Variants in CASZ1 observed in about 807,000 individuals in gnomAD.
CASZ1 encodes the protein castor zinc finger 1.
CASZ1 carries 28 observed loss-of-function variants against 135.2 expected under a neutral mutation model. That is an observed-to-expected ratio of 0.21 (90% CI 0.15 to 0.28). The LOEUF is 0.28. Ranked by LOEUF, CASZ1 falls within the 10% of genes least tolerant of loss-of-function variation. CASZ1 has a pLI of 1.00. For synonymous variants in CASZ1, 1,068 were observed against 1,073.4 expected, an observed-to-expected ratio of 0.99 and a Z score of 0.10; for missense variants, 2,161 against 2,453.3, an observed-to-expected ratio of 0.88 and a Z score of 2.52.
At chr1:10,650,667 G>A in intron 13 of CASZ1, 25 bp downstream of exon 13, 1 of 1,597,176 alleles carries the variant, frequency 6.3e-7, no homozygotes, top group Middle Eastern at 1.7e-4. Flanking sequence ...GGGGGAACGG[G>A]AGGCGTGTGA....
chr1:10,674,550 C>G (rs765896327), intron 4 of CASZ1, among the ~76,000 whole-genome samples: 2 of 152,262 alleles, frequency 1.3e-5, no homozygotes, highest in Non-Finnish European at 2.9e-5. Flanking sequence ...AGCGTCTTCC[C>G]TGCCCTGGGC....
chr1:10,640,748 T>C (rs284249), intron 20 of CASZ1, among the ~76,000 whole-genome samples: 12,441 of 152,002 alleles, frequency 0.082, 1,086 homozygotes, highest in African/African-American at 0.21. Context: ...CTGCTCAGAG[T>C]CGTAATTTAC....
chr1:10,768,437 C>G (rs1294567437), intron 1 of CASZ1, among the ~76,000 whole-genome samples: 1 of 152,202 alleles, frequency 6.6e-6, no homozygotes, highest in Non-Finnish European at 1.5e-5. Flanking sequence ...AGGCTGGTCT[C>G]AAACTCCTGA....
chr1:10,656,215 C>A (rs1256105980), intron 8 of CASZ1, among the ~76,000 whole-genome samples: 1 of 152,248 alleles, frequency 6.6e-6, no homozygotes, highest in Admixed American at 6.5e-5. Context: ...GACTCTCCCC[C>A]CACTCACCAG....
chr1:10,639,035 C>A lies in CASZ1; in HGVS notation c.5187G>T (p.Glu1729Asp). The A allele has an allele frequency of 9.6e-7, 1 of 1,041,922 alleles. No homozygotes were observed. 64.5% of individuals were successfully genotyped at this position (1,041,922 alleles called of 1,614,324 possible). Reference sequence around the variant, plus strand: ...GGGTCCGCGCGCCCGCGCCCGCCGCCTCCGCCGCCGCCTCGGGCAGCGACT... The same window carrying A: ...GGGTCCGCGCGCCCGCGCCCGCCGCATCCGCCGCCGCCTCGGGCAGCGACT... ...SEESLPEAAA[E>D]AAGAGARTPA... Residue 1729 changes from glutamate (E) to aspartate (D), a missense_variant, in exon 21 of 21, where the codon GAG becomes GAT. Glu to Asp is a conservative substitution (Grantham distance 45, BLOSUM62 2). Coordinates refer to ENST00000377022, the MANE Select transcript of CASZ1 (RefSeq NM_001079843.3). This position sits in a 1 kb window ranked among gnomAD's most constrained non-coding sequence, Gnocchi z 4.0.
In CASZ1 at chr1:10,774,531, C is replaced by G. The variant is rs762940266; in HGVS notation, c.-233-13674G>C. On this transcript the variant is annotated intron_variant, in intron 1 of 20. Coordinates refer to ENST00000377022, the MANE Select transcript of CASZ1 (RefSeq NM_001079843.3). The surrounding 1 kb of genome is among the most constrained non-coding windows in gnomAD (Gnocchi z 4.4). ...TGCCTTCTGCACATTCTTTAAGCCCCGTGATCCCAAGAAATCCCATCCATA... is the reference window on the plus strand; with the variant it reads ...TGCCTTCTGCACATTCTTTAAGCCCGGTGATCCCAAGAAATCCCATCCATA... Among the ~76,000 whole-genome samples the G allele has an allele frequency of 4.2e-5, 6 of 144,118 alleles. No individual in the cohort carries two copies. Among genetic ancestry groups the G allele is most frequent in the Non-Finnish European group, 7.7e-5 (5 of 65,152 alleles). 94.5% of individuals were successfully genotyped at this position (144,118 alleles called of 152,430 possible).
chr1:10,645,004 A>T lies in CASZ1; in HGVS notation c.3781T>A (p.Trp1261Arg), dbSNP rs763409069. ...FVTNITTKLP[W>R]HIKKHEKAER... ...GCCTTCTCATGCTTCTTGATGTGCCAGGGGAGCTTGGTGGTGATGTTGGTC... is the reference window on the plus strand; with the variant it reads ...GCCTTCTCATGCTTCTTGATGTGCCTGGGGAGCTTGGTGGTGATGTTGGTC... Residue 1261 changes from tryptophan to arginine, a missense_variant, in exon 18 of 21, where the codon TGG becomes AGG. By Grantham distance (101) the Trp-to-Arg change is moderately radical (BLOSUM62 -3). Around this residue, in one of 7 missense-constraint regions of CASZ1, gnomAD observed 349 missense variants for 460.8 expected, o/e 0.76. Transcript: ENST00000377022. 1 of 1,613,926 alleles carries T rather than the reference A, an allele frequency of 6.2e-7. No homozygotes were observed. Among genetic ancestry groups the T allele is most frequent in the Non-Finnish European group, 8.5e-7 (1 of 1,180,010 alleles).
rs1179142375 is a variant in CASZ1 at position 10,739,527 on chromosome 1, G to C, written c.-77+21174C>G. ...CACTCAGGCTTCCAGACCTTTCCCT[G>C]AGCCCTCCGCCCCCCGGGCCCACTC... On this transcript the variant is annotated intron_variant, in intron 2 of 20. Coordinates refer to ENST00000377022, the MANE Select transcript of CASZ1 (RefSeq NM_001079843.3). The surrounding 1 kb of genome is among the most constrained non-coding windows in gnomAD (Gnocchi z 4.8). Among the ~76,000 whole-genome samples the C allele has an allele frequency of 6.6e-6, 1 of 152,078 alleles. No individual in the cohort carries two copies. The highest frequency in any genetic ancestry group is 1.5e-5 in the Non-Finnish European group (1 of 67,992).
chr1:10,739,708 C>T lies in CASZ1; in HGVS notation c.-77+20993G>A, dbSNP rs1053127687. On this transcript the variant is annotated intron_variant, in intron 2 of 20. Transcript: ENST00000377022. This position sits in a 1 kb window ranked among gnomAD's most constrained non-coding sequence, Gnocchi z 4.8. ...GCCAGGGTGGCTCTGTGTCAAAGGCCCTGCAGCTCCTCCCTCCTGTTTCTC... is the reference window on the plus strand; with the variant it reads ...GCCAGGGTGGCTCTGTGTCAAAGGCTCTGCAGCTCCTCCCTCCTGTTTCTC... Among the ~76,000 whole-genome samples the T allele has an allele frequency of 1.3e-5, 2 of 152,130 alleles. No individual in the cohort carries two copies. Among genetic ancestry groups the T allele is most frequent in the Non-Finnish European group, 2.9e-5 (2 of 68,018 alleles).
In CASZ1 at chr1:10,794,991, G is replaced by C. The variant is rs895690795; in HGVS notation, c.-234+1573C>G. Among the ~76,000 whole-genome samples, 5 of 151,658 alleles carry C rather than the reference G, an allele frequency of 3.3e-5. No individual in the cohort carries two copies. Among genetic ancestry groups the C allele is most frequent in the African/African-American group, 7.3e-5 (3 of 41,308 alleles). On this transcript the variant is annotated intron_variant, in intron 1 of 20. Coordinates refer to ENST00000377022, the MANE Select transcript of CASZ1 (RefSeq NM_001079843.3). The surrounding 1 kb of genome is among the most constrained non-coding windows in gnomAD (Gnocchi z 5.6). ...CCTCCCCTTCCAGACCCGGCTGCCCGGCCCGCCAGCTCCCGGCAGTGCTGG... is the reference window on the plus strand; with the variant it reads ...CCTCCCCTTCCAGACCCGGCTGCCCCGCCCGCCAGCTCCCGGCAGTGCTGG...
chr1:10,649,156 G>A lies in CASZ1; in HGVS notation c.3072C>T (p.Asp1024=). 6.2e-7 allele frequency: 1 copy of A among 1,613,790 alleles called. No homozygotes were observed. Among genetic ancestry groups the A allele is most frequent in the South Asian group, 1.1e-5 (1 of 91,082 alleles). The change falls in exon 15 of 21, where the codon GAC becomes GAT. Residue 1024 remains aspartate, a synonymous_variant. Coordinates refer to ENST00000377022, the MANE Select transcript of CASZ1 (RefSeq NM_001079843.3). The part of the protein sequence containing the change: ...GTKDFCDGQC[D]FLHKAHFHCV... ...AGTGGAAGTGGGCCTTGTGGAGGAAGTCACACTGGCCGTCACAGAAGTCCT... is the reference window on the plus strand; with the variant it reads ...AGTGGAAGTGGGCCTTGTGGAGGAAATCACACTGGCCGTCACAGAAGTCCT...
intron 13 of CASZ1, chr1:10,650,128 G>A (rs542159033): frequency 1.2e-4 from 18 of 152,616 alleles, no homozygotes; most frequent in Admixed American, 1.1e-3. Flanking sequence ...CCCTCCTCAG[G>A]GCAGTCACTT....
intron 4 of CASZ1, among the ~76,000 whole-genome samples, chr1:10,672,028 G>A (rs757219677): frequency 6.6e-6 from 1 of 152,146 alleles, no homozygotes; most frequent in Non-Finnish European, 1.5e-5. Context: ...TCTGCTCTAG[G>A]TCCCAGAGAC....
rs56996870 is a variant in CASZ1 at position 10,697,547 on chromosome 1, G to C, written c.-23-3635C>G. Among the ~76,000 whole-genome samples the C allele has an allele frequency of 6.6e-6, 1 of 152,034 alleles. No homozygotes were observed. The highest frequency in any genetic ancestry group is 2.4e-5 in the African/African-American group (1 of 41,422). On this transcript the variant is annotated intron_variant, in intron 3 of 20. Coordinates refer to ENST00000377022, the MANE Select transcript of CASZ1 (RefSeq NM_001079843.3). This position sits in a 1 kb window ranked among gnomAD's most constrained non-coding sequence, Gnocchi z 4.7. ...GCTCCCCACATCAGCACCAAGGAAA[G>C]CCATCTGCCCTTCCTGTCACACTGC... is the stretch of plus-strand genomic sequence containing the variant.
intron 9 of CASZ1, among the ~76,000 whole-genome samples, chr1:10,655,009 C>T (rs1406288105): frequency 6.6e-6 from 1 of 152,196 alleles, no homozygotes; most frequent in Non-Finnish European, 1.5e-5. Context: ...AGTGGACAGT[C>T]CCTGGGCACG....
intron 2 of CASZ1, among the ~76,000 whole-genome samples, chr1:10,708,972 G>A (rs1181931413): frequency 1.5e-4 from 11 of 75,624 alleles, no homozygotes; most frequent in African/African-American, 7.1e-4. Flanking sequence ...AGGACGGGGA[G>A]GGGGGGGGCC....
intron 1 of CASZ1, among the ~76,000 whole-genome samples, chr1:10,772,392 G>A (rs987137476): frequency 1.3e-5 from 2 of 152,216 alleles, no homozygotes; most frequent in African/African-American, 2.4e-5. Flanking sequence ...CCCAGCTTCA[G>A]GAGAGGAAGC....
At chr1:10,723,042 G>A (rs953161394) in intron 2 of CASZ1, among the ~76,000 whole-genome samples, 1 of 152,250 alleles carries the variant, frequency 6.6e-6, no homozygotes, top group Non-Finnish European at 1.5e-5. Context: ...TGGGGTGTGC[G>A]TGGGTGCAGA....
At chr1:10,677,914 G>C (rs1638280278) in intron 4 of CASZ1, among the ~76,000 whole-genome samples, 1 of 152,248 alleles carries the variant, frequency 6.6e-6, no homozygotes, top group South Asian at 2.1e-4. Flanking sequence ...TGGAAGCCAG[G>C]CTCCCCCGTT....
Sources: gnomAD v4.1 joint callset for allele counts (sites outside exome capture counted in the v4.1 genomes callset) on GRCh38, gnomAD v4.1.1 for gene constraint, gnomAD v4.1.1 regional missense constraint, Gnocchi (gnomAD v3.1) non-coding constraint, MANE v1.5 for transcripts, NCBI Gene and HGNC (gene_info 2026-07-23, HGNC 2026-07-21) for gene names.